PILRA: variants seen among roughly 807,000 people sequenced by gnomAD.
The protein encoded by PILRA is paired immunoglobulin-like type 2 receptor alpha.
In PILRA, 37 loss-of-function variants were observed where a neutral mutation model predicts 33.1. The ratio of observed to expected loss-of-function variants is 1.12; its 90% CI spans 0.86 to 1.47. The LOEUF (loss-of-function observed/expected upper bound fraction) is 1.47. PILRA is among the 40% of genes most tolerant of loss of function. The pLI, the probability that PILRA is intolerant of heterozygous loss-of-function variation, is 0.00. For missense variants in PILRA, 312 were observed against 376.2 expected, an observed-to-expected ratio of 0.83 and a Z score of 1.41; for synonymous variants, 146 against 149.9, an observed-to-expected ratio of 0.97 and a Z score of 0.19.
At chr7:100,395,741 T>C (rs894793808) in intron 3 of PILRA, among the ~76,000 whole-genome samples, 1 of 151,994 alleles carries the variant, frequency 6.6e-6, no homozygotes, top group Non-Finnish European at 1.5e-5. Flanking sequence ...TTGGGAAGAA[T>C]GTGAAGAAAT....
At chr7:100,397,728 G>A in intron 3 of PILRA, 151 bp from the exon 4 acceptor site, 1 of 753,574 alleles carries the variant, frequency 1.3e-6, no homozygotes, top group Non-Finnish European at 2.3e-6. Context: ...TGCCGGCTGA[G>A]TCCCAGGCCC....
chr7:100,394,685 C>T (rs1239894552), intron 3 of PILRA, among the ~76,000 whole-genome samples: 2 of 151,704 alleles, frequency 1.3e-5, no homozygotes, highest in Non-Finnish European at 2.9e-5. Context: ...GAAATAAACC[C>T]TTGCGCATAT....
intron 3 of PILRA, among the ~76,000 whole-genome samples, chr7:100,397,631 G>A (rs1253520612): frequency 6.6e-6 from 1 of 152,078 alleles, no homozygotes; most frequent in Non-Finnish European, 1.5e-5. Flanking sequence ...GCTCAAGAGA[G>A]AAAGAAACCA....
At chr7:100,372,427 C>T (rs910410704), upstream of PILRA, among the ~76,000 whole-genome samples, 19 of 152,162 alleles carry the variant, frequency 1.2e-4, no homozygotes, top group Admixed American at 1.2e-3. Flanking sequence ...GTCACTTCCT[C>T]TGATGAAATC....
At chr7:100,378,962 G>A (rs553424491) in intron 2 of PILRA, among the ~76,000 whole-genome samples, 16 of 151,858 alleles carry the variant, frequency 1.1e-4, no homozygotes, top group East Asian at 1.9e-4. Context: ...TTGTGGTGGC[G>A]AGCACCTGTA....
At chr7:100,383,705 T>C (rs1316712094) in intron 2 of PILRA, among the ~76,000 whole-genome samples, 1 of 151,870 alleles carries the variant, frequency 6.6e-6, no homozygotes, top group South Asian at 2.1e-4. Context: ...AGCATGGTCT[T>C]CGGTCACTGA....
At chr7:100,384,691 G>A (rs1018743422) in intron 2 of PILRA, among the ~76,000 whole-genome samples, 2 of 152,126 alleles carry the variant, frequency 1.3e-5, no homozygotes, top group Non-Finnish European at 2.9e-5. Flanking sequence ...AGGAGGGTGA[G>A]GTGGGAAGAT....
rs114641124 is a variant in PILRA at position 100,391,373 on chromosome 7, T to A, written c.673+1267T>A. Among the ~76,000 whole-genome samples the A allele has an allele frequency of 5.0e-3, 752 of 151,660 alleles. 6 individuals are homozygous for A. The highest frequency in any genetic ancestry group is 0.015 in the African/African-American group (622 of 41,400). ...TCTCCAACTAAATATAAAAATAATT[T>A]AAAAAAAATTTTTTATAAATGACAC... On this transcript the variant is annotated intron_variant, in intron 3 of 6. Transcript: ENST00000198536.
intron 3 of PILRA, among the ~76,000 whole-genome samples, chr7:100,395,234 C>A (rs1432755731): frequency 6.6e-6 from 1 of 152,152 alleles, no homozygotes; most frequent in Non-Finnish European, 1.5e-5. Context: ...GAAACTTAGT[C>A]CCCAGTGTGA....
chr7:100,375,387 G>C (rs1262643472), intron 2 of PILRA, among the ~76,000 whole-genome samples: 1 of 152,198 alleles, frequency 6.6e-6, no homozygotes, highest in African/African-American at 2.4e-5. Flanking sequence ...GGCTAACAGA[G>C]CCTATATATC....
At chr7:100,390,332 T>TC (rs775118153) in intron 3 of PILRA, among the ~76,000 whole-genome samples, 11 of 151,884 alleles carry the variant, frequency 7.2e-5, no homozygotes, top group East Asian at 5.8e-4. Context: ...ACACAGCCGA[T>TC]CCCCCCCTAG....
chr7:100,389,986 C>T lies in PILRA; in HGVS notation c.553C>T (p.Arg185Ter), dbSNP rs768705807. ...CGGCCTCAGGGTCACACAGGGCAAA[C>T]GACGCTCAGACTCTTGGCACATAAG... The part of the protein sequence containing the change: ...TTGLRVTQGK[R>*]RSDSWHISLE... The change falls in exon 3 of 7, where the codon CGA (arginine) becomes TGA (stop). Residue 185 changes from arginine (R) to a stop codon, truncating the protein, a stop_gained. Transcript: ENST00000198536. LOFTEE classifies it high-confidence loss of function. 6.8e-6 allele frequency: 11 copies of T among 1,613,942 alleles called. No individual in the cohort carries two copies. Among genetic ancestry groups the T allele is most frequent in the South Asian group, 1.1e-5 (1 of 91,080 alleles).
At chr7:100,374,619 C>A in intron 2 of PILRA, 186 bp downstream of exon 2, 1 of 687,204 alleles carries the variant, frequency 1.5e-6, no homozygotes. Context: ...GTCTCCACAA[C>A]TGATCTGCTT....
chr7:100,381,814 G>A (rs1203362848), intron 2 of PILRA, among the ~76,000 whole-genome samples: 1 of 152,210 alleles, frequency 6.6e-6, no homozygotes, highest in African/African-American at 2.4e-5. Flanking sequence ...GGCGGGCCCC[G>A]CACTCGGAGT....
rs562656839 is a variant in PILRA, at chr7:100,388,364, C to CA, written c.455-1522dup. 4.6e-3 allele frequency among the ~76,000 whole-genome samples: 696 copies of CA among 152,088 alleles called. 7 individuals carry two copies. Among genetic ancestry groups the CA allele is most frequent in the African/African-American group, 0.016 (649 of 41,474 alleles). On this transcript the variant is annotated intron_variant, in intron 2 of 6. Transcript: ENST00000198536. ...TAACTTGTTTGTAGGATGTGAAGGTCAATATATATTAATGTGACCTTAAAA... is the reference window on the plus strand; with the variant it reads ...TAACTTGTTTGTAGGATGTGAAGGTCAAATATATATTAATGTGACCTTAAAA...
At position 100,399,822 on chromosome 7, in the gene PILRA, G is replaced by A; in HGVS notation, c.827G>A (p.Ser276Asn). The A allele has an allele frequency of 1.9e-6, 3 of 1,613,248 alleles. No individual in the cohort carries two copies. The highest frequency in any genetic ancestry group is 2.5e-6 in the Non-Finnish European group (3 of 1,179,554). ...GIVYASLALS[S>N]STSPRAPPSH... The stretch of plus-strand genomic sequence containing the variant: ...GTCTATGCTTCCCTTGCCCTCTCCA[G>A]CTCCACCTCACCCAGAGCACCTCCC... Residue 276 changes from serine (S) to asparagine (N), a missense_variant, in exon 7 of 7, where the codon AGC becomes AAC. By Grantham distance (46) the Ser-to-Asn change is conservative. Transcript: ENST00000198536.
At chr7:100,375,726 C>T (rs1029081090) in intron 2 of PILRA, among the ~76,000 whole-genome samples, 6 of 139,334 alleles carry the variant, frequency 4.3e-5, no homozygotes, top group Admixed American at 7.0e-5. Flanking sequence ...AGTGAGACTC[C>T]GCCTCAAACA....
chr7:100,394,580 T>G (rs1235926494), intron 3 of PILRA, among the ~76,000 whole-genome samples: 1 of 113,104 alleles, frequency 8.8e-6, no homozygotes, highest in African/African-American at 3.7e-5. Context: ...GGTGACAGAG[T>G]GAGATTCTAT....
intron 3 of PILRA, among the ~76,000 whole-genome samples, chr7:100,392,892 AT>A (rs1298204933): frequency 6.6e-6 from 1 of 152,224 alleles, no homozygotes; most frequent in Non-Finnish European, 1.5e-5. Context: ...GAGAAAAAAA[AT>A]AACCCTAGTA....
Sources: allele counts gnomAD v4.1 joint callset (sites outside exome capture counted in the v4.1 genomes callset), GRCh38; gene constraint gnomAD v4.1.1; transcripts MANE v1.5; gene names NCBI Gene and HGNC (gene_info 2026-07-23, HGNC 2026-07-21).